PIK3C3: variants seen among roughly 807,000 people sequenced by gnomAD.
The protein encoded by PIK3C3 is PI3-kinase type 3.
A neutral mutation model predicts 126.1 loss-of-function variants in PIK3C3; 95 were observed. The ratio of observed to expected loss-of-function variants is 0.75; its 90% CI spans 0.64 to 0.89. The LOEUF (loss-of-function observed/expected upper bound fraction) is 0.89, where lower values mean the gene tolerates loss of function less well. Among genes scored for constraint, PIK3C3 ranks in the 40% least tolerant of loss-of-function variants. The probability of loss-of-function intolerance (pLI) is 0.00; values close to 1 mark genes in which losing one functional copy is unlikely to be tolerated. For synonymous variants in PIK3C3, 374 were observed against 360.0 expected (o/e 1.04, Z -0.44); for missense variants, 829 against 1,063.2 (o/e 0.78, Z 3.06).
At position 41,996,657 on chromosome 18, in the gene PIK3C3, C is replaced by A; in HGVS notation, c.911C>A (p.Pro304Gln). 6.4e-7 allele frequency: 1 copy of A among 1,567,636 alleles called. No homozygotes were observed. Among genetic ancestry groups the A allele is most frequent in the Non-Finnish European group, 8.7e-7 (1 of 1,153,912 alleles). The stretch of plus-strand genomic sequence containing the variant: ...TTTTAGATTATTGTGAGTTATCCAC[C>A]AACCAAGCAACTTACATATGAAGAA... ...DQLNIIVSYP[P>Q]TKQLTYEEQD... The change falls in exon 9 of 25, where the codon CCA becomes CAA. Residue 304 changes from proline (P) to glutamine (Q), a missense_variant. Pro to Gln is a moderately conservative substitution (Grantham distance 76). Transcript: ENST00000262039.
At position 42,061,305 on chromosome 18, in the gene PIK3C3, G is replaced by A. The variant is rs188426024; in HGVS notation, c.2432+3254G>A. ...GTTGTCTAATACTGGTTTGTTGGCC[G>A]GGCAGGGTGGCTCATGCCTGTAATC... On this transcript the variant is annotated intron_variant, in intron 22 of 24. Transcript: ENST00000262039. 5.3e-5 allele frequency among the ~76,000 whole-genome samples: 8 copies of A among 151,976 alleles called. No homozygotes were observed. The East Asian group carries it at 1.2e-3, about 22-fold the overall frequency.
rs555048475 is a variant in PIK3C3 at position 42,086,107 on chromosome 18, C to G, written c.*4970C>G. 2 of 149,590 alleles carry G rather than the reference C, an allele frequency of 1.3e-5. No homozygotes were observed. The highest frequency in any genetic ancestry group is 4.9e-5 in the African/African-American group (2 of 41,066). The allele number at this position is 149,590 out of a possible 1,614,324, so 9.3% of individuals were successfully genotyped here. A position where few individuals can be genotyped will look rare whatever the true frequency, so the allele number is the denominator to read the frequency against. ...TTGCACTGCAGCCTGGGTAATAGAGCGAGACAACTCTATCTCAAAAAAAAG... is the reference window on the plus strand; with the variant it reads ...TTGCACTGCAGCCTGGGTAATAGAGGGAGACAACTCTATCTCAAAAAAAAG... On this transcript the variant is annotated 3_prime_UTR_variant, in exon 25 of 25. Coordinates refer to ENST00000262039, the MANE Select transcript of PIK3C3 (RefSeq NM_002647.4).
At chr18:42,041,899 T>G (rs72893449) in intron 19 of PIK3C3, among the ~76,000 whole-genome samples, 1,600 of 152,348 alleles carry the variant, frequency 0.011, 21 homozygotes, top group Middle Eastern at 0.058. Context: ...CTCTGTAACC[T>G]TGAGTGAACT....
chr18:42,040,785 G>T (rs531180830), intron 19 of PIK3C3, 44 bp downstream of exon 19: 2 of 1,280,602 alleles, frequency 1.6e-6, no homozygotes, highest in South Asian at 2.6e-5. Flanking sequence ...ATATATTCTT[G>T]TCATAAAAAA....
intron 12 of PIK3C3, among the ~76,000 whole-genome samples, chr18:42,016,071 T>A (rs1451105952): frequency 1.3e-5 from 2 of 152,198 alleles, no homozygotes; most frequent in African/African-American, 2.4e-5. Context: ...ACATATTTTT[T>A]AATTTGTCTA....
At chr18:42,027,637 A>G (rs910066546) in intron 14 of PIK3C3, 89 bp downstream of exon 14, 11 of 560,436 alleles carry the variant, frequency 2.0e-5, no homozygotes, top group Non-Finnish European at 3.1e-5. Flanking sequence ...TGAGCTAAAA[A>G]TGGTTTTATA....
chr18:42,010,646 A>G (rs1346070884), intron 10 of PIK3C3, among the ~76,000 whole-genome samples: 1 of 152,150 alleles, frequency 6.6e-6, no homozygotes, highest in Non-Finnish European at 1.5e-5. Flanking sequence ...GATTACAGGC[A>G]CTGAAGTCGT....
intron 10 of PIK3C3, among the ~76,000 whole-genome samples, chr18:42,008,871 A>G (rs1982671140): frequency 6.6e-6 from 1 of 152,184 alleles, no homozygotes; most frequent in African/African-American, 2.4e-5. Flanking sequence ...AAGAAATCAG[A>G]TGATGATAAG....
chr18:41,974,559 C>G (rs1030262120), intron 4 of PIK3C3, among the ~76,000 whole-genome samples: 5 of 151,604 alleles, frequency 3.3e-5, no homozygotes, highest in African/African-American at 1.2e-4. Context: ...CCCCCCACCC[C>G]CTGCCCCATT....
At chr18:42,079,009 CTCA>C (rs1454549103) in intron 24 of PIK3C3, among the ~76,000 whole-genome samples, 4 of 152,216 alleles carry the variant, frequency 2.6e-5, no homozygotes, top group African/African-American at 9.6e-5. Flanking sequence ...CTGTTTTGCT[CTCA>C]TCATTCGTGT....
At chr18:42,078,066 C>G (rs1488166469) in intron 24 of PIK3C3, among the ~76,000 whole-genome samples, 1 of 152,088 alleles carries the variant, frequency 6.6e-6, no homozygotes, top group African/African-American at 2.4e-5. Context: ...CAGTAGGCTT[C>G]AACAGTGGGC....
intron 1 of PIK3C3, 50 bp downstream of exon 1, chr18:41,955,409 T>TG: frequency 2.7e-6 from 4 of 1,499,766 alleles, no homozygotes; most frequent in Non-Finnish European, 3.7e-6. Context: ...CGTAGGGACG[T>TG]GGGGGCAGGG....
At chr18:42,033,703 T>C (rs1983925840) in intron 15 of PIK3C3, 123 bp from the exon 16 acceptor site, 1 of 617,300 alleles carries the variant, frequency 1.6e-6, no homozygotes, top group African/African-American at 1.9e-5. Context: ...CCATCTCCTT[T>C]ATATTATTTT....
intron 10 of PIK3C3, among the ~76,000 whole-genome samples, chr18:42,007,648 A>G (rs1982616413): frequency 6.6e-6 from 1 of 152,010 alleles, no homozygotes; most frequent in African/African-American, 2.4e-5. Flanking sequence ...TTTTATTTAC[A>G]TTTCTTAGTT....
intron 22 of PIK3C3, among the ~76,000 whole-genome samples, chr18:42,060,950 A>G (rs939024304): frequency 2.6e-5 from 4 of 152,214 alleles, no homozygotes; most frequent in African/African-American, 9.6e-5. Flanking sequence ...ACACTTTCAC[A>G]GGAACTCTGA....
chr18:41,985,424 AG>A (rs1981420058), intron 4 of PIK3C3, among the ~76,000 whole-genome samples: 1 of 152,182 alleles, frequency 6.6e-6, no homozygotes, highest in East Asian at 1.9e-4. Flanking sequence ...TCTCAAAGTC[AG>A]GTACAGGAGA....
chr18:41,987,586 G>C (rs1159794505), intron 4 of PIK3C3, among the ~76,000 whole-genome samples: 1 of 151,928 alleles, frequency 6.6e-6, no homozygotes, highest in African/African-American at 2.4e-5. Flanking sequence ...TCTTTATCAT[G>C]TCAAAATATG....
intron 9 of PIK3C3, among the ~76,000 whole-genome samples, chr18:42,003,911 C>G (rs936812706): frequency 1.3e-5 from 2 of 152,062 alleles, no homozygotes; most frequent in African/African-American, 4.8e-5. Context: ...GGGAGGTGAT[C>G]GAGAGTGAGG....
chr18:42,062,448 T>G (rs774790445), intron 22 of PIK3C3, among the ~76,000 whole-genome samples: 22 of 152,134 alleles, frequency 1.4e-4, no homozygotes, highest in East Asian at 1.9e-4. Context: ...ATTTTTTTTT[T>G]TGTGATTTTT....
Sources: allele counts gnomAD v4.1 joint callset (sites outside exome capture counted in the v4.1 genomes callset), GRCh38; gene constraint gnomAD v4.1.1; transcripts MANE v1.5; gene names NCBI Gene and HGNC (gene_info 2026-07-23, HGNC 2026-07-21).